FRYL: variants seen among roughly 807,000 people sequenced by gnomAD.
FRYL encodes the protein FRY like transcription coactivator.
In FRYL, 150 loss-of-function variants were observed where a neutral mutation model predicts 351.2. The ratio of observed to expected loss-of-function variants is 0.43; its 90% CI spans 0.37 to 0.49. The LOEUF is 0.49. FRYL is among the 20% of genes least tolerant of loss of function. The pLI, the probability that FRYL is intolerant of heterozygous loss-of-function variation, is 0.00. For synonymous variants in FRYL, 1,153 were observed against 1,257.1 expected (o/e 0.92, Z 1.75); for missense variants, 3,036 against 3,619.3 (o/e 0.84, Z 4.13).
chr4:48,619,492 A>G (rs1750223461), intron 6 of FRYL, 122 bp from the exon 7 acceptor site: 4 of 526,350 alleles, frequency 7.6e-6, no homozygotes. Context: ...GCAATTGTTA[A>G]TATGAAGCTT....
intron 2 of FRYL, among the ~76,000 whole-genome samples, chr4:48,709,854 T>TTC (rs1767811142): frequency 6.6e-6 from 1 of 152,242 alleles, no homozygotes; most frequent in South Asian, 2.1e-4. Flanking sequence ...GGTAACTTAC[T>TTC]TCTCTATTAT....
intron 7 of FRYL, 36 bp downstream of exon 7, chr4:48,619,238 A>G (rs764114392): frequency 7.7e-7 from 1 of 1,294,516 alleles, no homozygotes; most frequent in Non-Finnish European, 1.1e-6. Flanking sequence ...AGCAAAGAAT[A>G]AGGAATACAG....
chr4:48,749,093 G>A (rs1366604531), intron 1 of FRYL, among the ~76,000 whole-genome samples: 1 of 152,226 alleles, frequency 6.6e-6, no homozygotes, highest in Non-Finnish European at 1.5e-5. Flanking sequence ...AGGTCAGAAA[G>A]GCCGAGAGGG....
intron 3 of FRYL, among the ~76,000 whole-genome samples, chr4:48,668,386 T>TAAAA (rs1226517947): frequency 7.3e-5 from 9 of 122,850 alleles, no homozygotes; most frequent in Admixed American, 8.2e-5. Flanking sequence ...CTCAAAAAAT[T>TAAAA]AAAAAAAAAA....
At position 48,586,626 on chromosome 4, in the gene FRYL, T is replaced by C; in HGVS notation, c.1743A>G (p.Leu581=). The change falls in exon 19 of 64, where the codon TTA becomes TTG. Residue 581 remains leucine, a synonymous_variant. Transcript: ENST00000358350. The part of the protein sequence containing the change: ...GMSRTDLIEL[L]ARLTIHMDEE... Reference sequence around the variant, plus strand: ...AAACAGTAATTCTCATTTACCTTGCTAACAATTCAATCAGGTCAGTTCTGC... The same window carrying C: ...AAACAGTAATTCTCATTTACCTTGCCAACAATTCAATCAGGTCAGTTCTGC... 1.2e-6 allele frequency: 2 copies of C among 1,603,846 alleles called. No individual in the cohort carries two copies. The highest frequency in any genetic ancestry group is 8.5e-7 in the Non-Finnish European group (1 of 1,171,198).
At chr4:48,717,645 A>T (rs1769019216) in intron 1 of FRYL, among the ~76,000 whole-genome samples, 2 of 151,556 alleles carry the variant, frequency 1.3e-5, no homozygotes, top group African/African-American at 4.8e-5. Context: ...TGTTCAAGCA[A>T]TCCTCCTGCC....
At chr4:48,586,011 A>C (rs1348074259) in intron 19 of FRYL, among the ~76,000 whole-genome samples, 1 of 152,214 alleles carries the variant, frequency 6.6e-6, no homozygotes, top group Non-Finnish European at 1.5e-5. Context: ...TTCCAGAAAA[A>C]TGTGCTGATC....
intron 3 of FRYL, among the ~76,000 whole-genome samples, chr4:48,650,311 TCTTACTTGTCTGCA>T (rs1382297597): frequency 6.6e-6 from 1 of 152,196 alleles, no homozygotes; most frequent in Non-Finnish European, 1.5e-5. Flanking sequence ...CTACCCAATA[TCTTACTTGTCTGCA>T]CATTTACCAG....
intron 1 of FRYL, among the ~76,000 whole-genome samples, chr4:48,770,564 T>A (rs1443505501): frequency 6.6e-6 from 1 of 151,870 alleles, no homozygotes; most frequent in Non-Finnish European, 1.5e-5. Context: ...CAGCCTCCTG[T>A]GTAGCTGGGA....
Position 48,549,417 on chromosome 4 carries a change from G to A in FRYL, c.4784+56C>T. 7.9e-6 allele frequency: 12 copies of A among 1,512,972 alleles called. No individual in the cohort carries two copies. Among genetic ancestry groups the A allele is most frequent in the Admixed American group, 2.0e-5 (1 of 50,572 alleles). 93.7% of individuals were successfully genotyped at this position (1,512,972 alleles called of 1,614,324 possible). Reference sequence around the variant, plus strand: ...GTTGTCAGATAGCACAAAGAAAGCCGACAGTGTTCAGCAGCAACTTGGTGC... The same window carrying A: ...GTTGTCAGATAGCACAAAGAAAGCCAACAGTGTTCAGCAGCAACTTGGTGC... On this transcript the variant is annotated intron_variant, in intron 39 of 63. Coordinates refer to ENST00000358350, the MANE Select transcript of FRYL (RefSeq NM_015030.2). The surrounding 1 kb of genome is among the most constrained non-coding windows in gnomAD (Gnocchi z 4.2).
chr4:48,697,495 T>C (rs562797786), intron 2 of FRYL, among the ~76,000 whole-genome samples: 1 of 152,334 alleles, frequency 6.6e-6, no homozygotes, highest in South Asian at 2.1e-4. Context: ...AGCATACTTC[T>C]ATTTTTATTT....
chr4:48,537,764 C>G (rs1344007460), intron 47 of FRYL, among the ~76,000 whole-genome samples: 1 of 152,102 alleles, frequency 6.6e-6, no homozygotes, highest in Non-Finnish European at 1.5e-5. Context: ...ATCAGCAGCT[C>G]GATATTCAAG....
chr4:48,759,976 A>G (rs1774232393), intron 1 of FRYL, among the ~76,000 whole-genome samples: 1 of 152,172 alleles, frequency 6.6e-6, no homozygotes, highest in South Asian at 2.1e-4. Flanking sequence ...CACAAGCACT[A>G]TGTTATGTGC....
intron 61 of FRYL, 39 bp downstream of exon 61, chr4:48,502,789 C>A: frequency 6.4e-7 from 1 of 1,561,068 alleles, no homozygotes; most frequent in Non-Finnish European, 8.8e-7. Flanking sequence ...GTTTGTCTGG[C>A]AAGGGTGAGT....
Position 48,540,702 on chromosome 4 carries a change from T to C in FRYL, c.5946A>G (p.Leu1982=), listed in dbSNP as rs1430904643. 3 of 1,613,928 alleles carry C rather than the reference T, an allele frequency of 1.9e-6. No homozygotes were observed. The highest frequency in any genetic ancestry group is 2.7e-5 in the African/African-American group (2 of 75,048). The stretch of plus-strand genomic sequence containing the variant: ...GCACGTCATACATTCCTTTCTCTCT[T>C]AGAGAGGAAAGGCTTCTAGTCCTTG... ...SLARTRSLSS[L]REKGMYDVQS... Residue 1982 remains leucine (L), a synonymous_variant, in exon 46 of 64, where the codon CTA becomes CTG. Coordinates refer to ENST00000358350, the MANE Select transcript of FRYL (RefSeq NM_015030.2).
chr4:48,619,768 G>T (rs1475287510), intron 6 of FRYL, among the ~76,000 whole-genome samples: 5 of 152,096 alleles, frequency 3.3e-5, no homozygotes, highest in Non-Finnish European at 4.4e-5. Context: ...TCCTAAAGCA[G>T]ATTACAAGCA....
At chr4:48,537,383 C>CT (rs1560559361) in intron 47 of FRYL, among the ~76,000 whole-genome samples, 2 of 152,132 alleles carry the variant, frequency 1.3e-5, no homozygotes, top group African/African-American at 4.8e-5. Flanking sequence ...TTATAACAAA[C>CT]TTTTTTAGCA....
Position 48,567,314 on chromosome 4 carries a change from C to CA in FRYL, c.3102dup (p.Asp1035Ter). ...TGGCATCGTATATCCTTCAGTGTGT[C>CA]AGAGTCTTTTTCATTTTCTGCTTCC... On this transcript the variant is annotated frameshift_variant, in exon 28 of 64. Coordinates refer to ENST00000358350, the MANE Select transcript of FRYL (RefSeq NM_015030.2). LOFTEE classifies it high-confidence loss of function. This position sits in a 1 kb window ranked among gnomAD's most constrained non-coding sequence, Gnocchi z 4.2. The CA allele has an allele frequency of 1.2e-6, 2 of 1,612,974 alleles. No individual in the cohort carries two copies. Among genetic ancestry groups the CA allele is most frequent in the Non-Finnish European group, 1.7e-6 (2 of 1,179,442 alleles).
intron 3 of FRYL, among the ~76,000 whole-genome samples, chr4:48,679,826 TA>T (rs2149535853): frequency 6.6e-6 from 1 of 152,148 alleles, no homozygotes; most frequent in African/African-American, 2.4e-5. Context: ...TTTTAACAAA[TA>T]AAATGTAATA....
Sources: allele counts gnomAD v4.1 joint callset (sites outside exome capture counted in the v4.1 genomes callset), GRCh38; gene constraint gnomAD v4.1.1; non-coding constraint Gnocchi (gnomAD v3.1); transcripts MANE v1.5; gene names NCBI Gene and HGNC (gene_info 2026-07-23, HGNC 2026-07-21).